SMARCC1: variants seen among roughly 807,000 people sequenced by gnomAD.
SMARCC1 encodes the protein SWI/SNF complex subunit SMARCC1.
SMARCC1 carries 43 observed loss-of-function variants against 147.4 expected under a neutral mutation model. The ratio of observed to expected loss-of-function variants is 0.29; its 90% confidence interval spans 0.23 to 0.38. SMARCC1 has a LOEUF of 0.38. SMARCC1 is among the 10% of genes least tolerant of loss of function. The pLI is 1.00. For missense variants in SMARCC1, 1,119 were observed against 1,381.1 expected, an observed-to-expected ratio of 0.81 and a Z score of 3.01; for synonymous variants, 495 against 484.4, an observed-to-expected ratio of 1.02 and a Z score of -0.29.
chr3:47,608,849 TAAAAAAAAAAA>T (rs35698988), intron 26 of SMARCC1, among the ~76,000 whole-genome samples: 3 of 86,864 alleles, frequency 3.5e-5, no homozygotes, highest in African/African-American at 9.4e-5. Context: ...ACAGTGTCTT[TAAAAAAAAAAA>T]AAAAAAAAAA....
chr3:47,652,548 G>A (rs2033202929), intron 21 of SMARCC1, among the ~76,000 whole-genome samples: 1 of 150,832 alleles, frequency 6.6e-6, no homozygotes. Flanking sequence ...TTTGGGATTA[G>A]AGAGATTTAG....
intron 19 of SMARCC1, chr3:47,664,062 A>C (rs1174687802): frequency 1.9e-6 from 1 of 517,538 alleles, no homozygotes; most frequent in African/African-American, 1.9e-5. Flanking sequence ...GGAGGAAGTG[A>C]CCCTTTGCGT....
chr3:47,733,932 T>C (rs2034408996), intron 5 of SMARCC1, among the ~76,000 whole-genome samples: 1 of 151,148 alleles, frequency 6.6e-6, no homozygotes, highest in Admixed American at 6.6e-5. Flanking sequence ...TATATACATA[T>C]ATACAAGCAC....
chr3:47,651,740 T>C (rs2033193014), intron 21 of SMARCC1, among the ~76,000 whole-genome samples: 1 of 152,240 alleles, frequency 6.6e-6, no homozygotes, highest in African/African-American at 2.4e-5. Context: ...TAATTACATC[T>C]ATACACGTTA....
At chr3:47,723,711 G>A (rs1046991149) in intron 6 of SMARCC1, among the ~76,000 whole-genome samples, 2 of 152,084 alleles carry the variant, frequency 1.3e-5, no homozygotes, top group Non-Finnish European at 2.9e-5. Context: ...TACTTGAGTG[G>A]CTGAGGCAGA....
intron 15 of SMARCC1, among the ~76,000 whole-genome samples, chr3:47,679,733 A>T (rs376385394): frequency 7.0e-4 from 106 of 152,052 alleles, no homozygotes; most frequent in African/African-American, 2.5e-3. Context: ...GTGGTGGTGC[A>T]TGCCTGTAGT....
chr3:47,730,866 C>CAA (rs59650729), intron 5 of SMARCC1, among the ~76,000 whole-genome samples: 5 of 92,950 alleles, frequency 5.4e-5, no homozygotes, highest in African/African-American at 8.0e-5. Flanking sequence ...AATGCCATCT[C>CAA]AAAAAAAAAA....
At chr3:47,644,321 G>T (rs992921065) in intron 21 of SMARCC1, among the ~76,000 whole-genome samples, 7 of 152,084 alleles carry the variant, frequency 4.6e-5, no homozygotes, top group African/African-American at 1.7e-4. Context: ...CCTCTACACA[G>T]AAAAAAATTA....
At chr3:47,650,301 T>A (rs62262090) in intron 21 of SMARCC1, among the ~76,000 whole-genome samples, 8,663 of 129,228 alleles carry the variant, frequency 0.067, 688 homozygotes, top group African/African-American at 0.19. Context: ...TAATAATAAT[T>A]ATTATTATTA....
intron 3 of SMARCC1, among the ~76,000 whole-genome samples, chr3:47,742,978 G>C (rs560627926): frequency 2.0e-5 from 3 of 152,128 alleles, no homozygotes; most frequent in African/African-American, 7.2e-5. Flanking sequence ...TTAGAGCTTC[G>C]TGTCACTAGA....
chr3:47,687,720 G>A (rs945450944), intron 13 of SMARCC1, among the ~76,000 whole-genome samples: 1 of 152,042 alleles, frequency 6.6e-6, no homozygotes, highest in Non-Finnish European at 1.5e-5. Flanking sequence ...TCTCCCACCT[G>A]GGCCTCTCAA....
chr3:47,754,348 G>A (rs1000441667), intron 2 of SMARCC1, among the ~76,000 whole-genome samples: 15 of 151,876 alleles, frequency 9.9e-5, no homozygotes, highest in African/African-American at 2.2e-4. Flanking sequence ...GACTGCAGGC[G>A]CGCACCACCA....
chr3:47,690,171 C>T (rs1037620477), intron 12 of SMARCC1, among the ~76,000 whole-genome samples: 8 of 151,800 alleles, frequency 5.3e-5, no homozygotes, highest in African/African-American at 1.9e-4. Context: ...GCCTGGGCAA[C>T]AGAGCAAGAT....
At chr3:47,602,920 C>T (rs111752073) in intron 26 of SMARCC1, among the ~76,000 whole-genome samples, 4 of 152,042 alleles carry the variant, frequency 2.6e-5, no homozygotes, top group African/African-American at 7.2e-5. Flanking sequence ...GAGGCCAAGG[C>T]GAGAGGATCG....
intron 10 of SMARCC1, among the ~76,000 whole-genome samples, chr3:47,703,521 TAAAG>T (rs1044612057): frequency 1.3e-5 from 2 of 151,936 alleles, no homozygotes; most frequent in African/African-American, 4.8e-5. Context: ...AATAAAATAA[TAAAG>T]AAAGACAATG....
intron 24 of SMARCC1, among the ~76,000 whole-genome samples, chr3:47,630,733 T>G (rs13092585): frequency 6.6e-6 from 1 of 152,184 alleles, no homozygotes; most frequent in African/African-American, 2.4e-5. Flanking sequence ...TAATACCTTG[T>G]GACTAAAGTA....
At chr3:47,653,237 G>A (rs1340495984) in intron 21 of SMARCC1, among the ~76,000 whole-genome samples, 5 of 152,202 alleles carry the variant, frequency 3.3e-5, no homozygotes, top group African/African-American at 9.6e-5. Flanking sequence ...GATTACAGGC[G>A]TGAGCCACGG....
intron 1 of SMARCC1, among the ~76,000 whole-genome samples, chr3:47,779,972 C>T (rs1449883575): frequency 6.6e-6 from 1 of 152,084 alleles, no homozygotes; most frequent in Non-Finnish European, 1.5e-5. Context: ...CAATTTATCA[C>T]TGTGTAAGAA....
intron 2 of SMARCC1, among the ~76,000 whole-genome samples, chr3:47,749,840 T>C (rs2034609609): frequency 6.6e-6 from 1 of 151,722 alleles, no homozygotes; most frequent in Admixed American, 6.6e-5. Flanking sequence ...CCGAGCACTT[T>C]GGGAGGCCGA....
Sources: gnomAD v4.1 joint callset for allele counts (sites outside exome capture counted in the v4.1 genomes callset) on GRCh38, gnomAD v4.1.1 for gene constraint, MANE v1.5 for transcripts, NCBI Gene and HGNC (gene_info 2026-07-23, HGNC 2026-07-21) for gene names.